The following TAB3 variants were observed in gnomAD, a reference collection of about 807,000 sequenced individuals.
TAB3 encodes the protein TGF-beta activated kinase 1 (MAP3K7) binding protein 3.
In TAB3, 18 loss-of-function variants were observed where a neutral mutation model predicts 48.1. The ratio of observed to expected loss-of-function variants is 0.37; its 90% CI spans 0.26 to 0.55. The LOEUF (loss-of-function observed/expected upper bound fraction) is 0.55. TAB3 is among the 20% of genes least tolerant of loss of function. TAB3 has a pLI of 0.78. For synonymous variants in TAB3, 185 were observed against 190.2 expected (o/e 0.97, Z 0.22); for missense variants, 414 against 549.8 (o/e 0.75, Z 2.47).
rs774047114 is a variant in TAB3, at chrX:30,865,604, C to T, written c.-91+1511G>A. ...ATGAGAGAGGTAATATTATCATCCA[C>T]GTTTTACAAATAAGGAAACTTGAAG... On this transcript the variant is annotated intron_variant, in intron 4 of 10. Coordinates refer to ENST00000288422, the MANE Select transcript of TAB3 (RefSeq NM_152787.5). Among the ~76,000 whole-genome samples, 8 of 111,757 alleles carry T rather than the reference C, an allele frequency of 7.2e-5. No homozygotes were observed. The South Asian group carries it at 2.6e-3, about 37-fold the overall frequency.
intron 1 of TAB3, among the ~76,000 whole-genome samples, chrX:30,877,851 A>C (rs1485133824): frequency 8.9e-6 from 1 of 112,135 alleles, no homozygotes; most frequent in East Asian, 2.8e-4. Context: ...AAAATCTACA[A>C]CTATATGTTG....
At chrX:30,832,741 A>G (rs1201798534) in intron 10 of TAB3, among the ~76,000 whole-genome samples, 2 of 111,705 alleles carry the variant, frequency 1.8e-5, no homozygotes, top group East Asian at 5.6e-4. Flanking sequence ...GCCTTAGGAT[A>G]TAACAGAAAA....
intron 4 of TAB3, among the ~76,000 whole-genome samples, chrX:30,864,102 T>A (rs755992654): frequency 1.6e-4 from 18 of 111,718 alleles, no homozygotes; most frequent in Admixed American, 4.8e-4. Context: ...TCAAGCAGTA[T>A]CTAAGCTGTA....
At chrX:30,868,613 A>AGAGAGAGAGAGAGG (rs1285197108) in intron 2 of TAB3, among the ~76,000 whole-genome samples, 1 of 68,038 alleles carries the variant, frequency 1.5e-5, no homozygotes, top group Non-Finnish European at 2.5e-5. Context: ...AGAGAGAGAG[A>AGAGAGAGAGAGAGG]GAGAGCGCGT....
intron 9 of TAB3, chrX:30,834,567 C>T (rs1289063552): frequency 8.6e-6 from 1 of 116,837 alleles, no homozygotes. Context: ...ACTATCCATA[C>T]AGTAAGGCTA....
intron 5 of TAB3, among the ~76,000 whole-genome samples, chrX:30,856,628 G>C (rs1309664425): frequency 9.0e-6 from 1 of 111,551 alleles, no homozygotes; most frequent in Non-Finnish European, 1.9e-5. Flanking sequence ...TACATGCATA[G>C]ATATTACTAT....
intron 6 of TAB3, among the ~76,000 whole-genome samples, 178 bp downstream of exon 6, chrX:30,853,938 G>A (rs1464896139): frequency 8.9e-6 from 1 of 112,490 alleles, no homozygotes; most frequent in African/African-American, 3.2e-5. Context: ...GCCTCCCAAA[G>A]TGCTGGGATT....
chrX:30,859,919 C>CACTT (rs1939203806), intron 4 of TAB3, among the ~76,000 whole-genome samples: 1 of 107,325 alleles, frequency 9.3e-6, no homozygotes, highest in African/African-American at 3.4e-5. Context: ...AAGGTCTCAC[C>CACTT]TATTTAAAAA....
chrX:30,876,931 G>A (rs1172662443), intron 1 of TAB3, among the ~76,000 whole-genome samples: 1 of 111,163 alleles, frequency 9.0e-6, no homozygotes, highest in Non-Finnish European at 1.9e-5. Flanking sequence ...TAATATCCAA[G>A]AGTTAATCAG....
At position 30,831,528 on chromosome X, in the gene TAB3, C is replaced by G; in HGVS notation, c.2038G>C (p.Glu680Gln). ...TTCCATGGAGCCCCTTCGTAGTCTTCATCTCGAGGTTGTGTCCGAGGACTT... is the reference window on the plus strand; with the variant it reads ...TTCCATGGAGCCCCTTCGTAGTCTTGATCTCGAGGTTGTGTCCGAGGACTT... Reference protein sequence around the residue: ...TQSPRTQPRDEDYEGAPWNCD... With the variant: ...TQSPRTQPRDQDYEGAPWNCD... The change falls in exon 11 of 11, where the codon GAA becomes CAA. Residue 680 changes from glutamate (E) to glutamine (Q), a missense_variant. Glu to Gln is a conservative substitution (Grantham distance 29, BLOSUM62 2). Transcript: ENST00000288422. The G allele has an allele frequency of 1.7e-6, 2 of 1,211,334 alleles. No individual in the cohort carries two copies. Among genetic ancestry groups the G allele is most frequent in the Non-Finnish European group, 2.2e-6 (2 of 895,404 alleles).
chrX:30,876,239 C>T, intron 1 of TAB3, among the ~76,000 whole-genome samples: 1 of 111,871 alleles, frequency 8.9e-6, no homozygotes. Flanking sequence ...GATGTACACA[C>T]ACACACATAC....
chrX:30,832,715 C>T (rs750424142), intron 10 of TAB3, among the ~76,000 whole-genome samples: 1 of 111,795 alleles, frequency 8.9e-6, no homozygotes, highest in Non-Finnish European at 1.9e-5. Context: ...CAGCCTCAAA[C>T]AGGAAGGTGA....
chrX:30,839,944 AAT>A (rs1220989252), intron 9 of TAB3, among the ~76,000 whole-genome samples: 5 of 91,620 alleles, frequency 5.5e-5, no homozygotes, highest in African/African-American at 2.1e-4. Context: ...ATATATATAT[AAT>A]ATATATTAAA....
intron 4 of TAB3, among the ~76,000 whole-genome samples, chrX:30,860,023 T>C (rs1939207751): frequency 9.0e-6 from 1 of 111,599 alleles, no homozygotes; most frequent in Non-Finnish European, 1.9e-5. Flanking sequence ...TGGGAACATA[T>C]AAGGACCTGG....
At chrX:30,856,289 C>A (rs1170640861) in intron 5 of TAB3, among the ~76,000 whole-genome samples, 1 of 111,999 alleles carries the variant, frequency 8.9e-6, no homozygotes, top group Non-Finnish European at 1.9e-5. Flanking sequence ...TTCATACTCT[C>A]ACAGTCTCAA....
chrX:30,878,843 T>C (rs1010644446), intron 1 of TAB3, among the ~76,000 whole-genome samples: 2 of 112,014 alleles, frequency 1.8e-5, no homozygotes, highest in Non-Finnish European at 3.8e-5. Flanking sequence ...TTAAGAAATA[T>C]ACTTTTAAAA....
At chrX:30,846,176 T>C in intron 8 of TAB3, 3 of 574,051 alleles carry the variant, frequency 5.2e-6, no homozygotes, top group Non-Finnish European at 6.8e-6. Context: ...AACTGAGAAA[T>C]CTGATACTCT....
intron 7 of TAB3, among the ~76,000 whole-genome samples, chrX:30,849,359 C>G (rs1395551496): frequency 1.8e-5 from 2 of 112,493 alleles, no homozygotes; most frequent in East Asian, 5.6e-4. Context: ...ACCTCCCTCC[C>G]CCACATAGCT....
chrX:30,842,976 T>C lies in TAB3; in HGVS notation c.1878A>G (p.Pro626=), dbSNP rs751169321. ...IEPGPVVPPK[P]SKKDSSDPCT... ...ATTTTTCATACTCACCTTTTTTAGA[T>C]GGCTTGGGTGGTACAACTGGGCCAG... is the stretch of plus-strand genomic sequence containing the variant. The change falls in exon 9 of 11, where the codon CCA becomes CCG. Residue 626 remains proline (P), a synonymous_variant. Transcript: ENST00000288422. The C allele has an allele frequency of 8.7e-7, 1 of 1,150,594 alleles. No individual in the cohort carries two copies. The highest frequency in any genetic ancestry group is 2.5e-5 in the Admixed American group (1 of 39,854). 94.8% of individuals were successfully genotyped at this position (1,150,594 alleles called of 1,213,427 possible).
Sources: allele counts gnomAD v4.1 joint callset (sites outside exome capture counted in the v4.1 genomes callset), GRCh38; gene constraint gnomAD v4.1.1; transcripts MANE v1.5; gene names NCBI Gene and HGNC (gene_info 2026-07-23, HGNC 2026-07-21).